The following GLIS3 variants were observed in gnomAD, a reference collection of about 807,000 sequenced individuals.
The protein encoded by GLIS3 is GLIS family zinc finger 3, also known as zinc finger protein GLIS3.
A neutral mutation model predicts 78.6 loss-of-function variants in GLIS3; 53 were observed. That is an observed-to-expected ratio of 0.67 (90% confidence interval 0.54 to 0.85). The LOEUF (loss-of-function observed/expected upper bound fraction) is 0.85, where lower values mean the gene tolerates loss of function less well. Among genes scored for constraint, GLIS3 ranks in the 40% least tolerant of loss-of-function variants. The probability of loss-of-function intolerance (pLI) is 0.00; values close to 1 mark genes in which losing one functional copy is unlikely to be tolerated. For missense variants in GLIS3, 1,703 were observed against 1,231.1 expected, an observed-to-expected ratio of 1.38 and a Z score of -5.74; for synonymous variants, 684 against 509.9, an observed-to-expected ratio of 1.34 and a Z score of -4.60.
At chr9:3,966,618 A>T (rs1413877098) in intron 4 of GLIS3, among the ~76,000 whole-genome samples, 1 of 152,030 alleles carries the variant, frequency 6.6e-6, no homozygotes, top group Non-Finnish European at 1.5e-5. Flanking sequence ...AACATGGTGA[A>T]ACCCTGTCTC....
upstream of GLIS3, among the ~76,000 whole-genome samples, chr9:4,350,011 ACCAAGAGCAGTGGGG>A (rs1052285206): frequency 2.6e-5 from 4 of 152,264 alleles, no homozygotes; most frequent in Non-Finnish European, 5.9e-5. Context: ...ACTTAGACGG[ACCAAGAGCAGTGGGG>A]CAAAACTGAC....
At chr9:4,075,101 CAA>C (rs1827933766) in intron 4 of GLIS3, among the ~76,000 whole-genome samples, 1 of 117,938 alleles carries the variant, frequency 8.5e-6, no homozygotes, top group Non-Finnish European at 1.6e-5. Context: ...AACAACAACA[CAA>C]CAACAACAAC....
chr9:4,403,519 G>C, the GLIS3 span, among the ~76,000 whole-genome samples: 1 of 152,126 alleles, frequency 6.6e-6, no homozygotes, highest in Non-Finnish European at 1.5e-5. Flanking sequence ...TCAAGACATA[G>C]ACAGCACAAT....
chr9:4,428,730 G>A, the GLIS3 span, among the ~76,000 whole-genome samples: 1 of 152,076 alleles, frequency 6.6e-6, no homozygotes, highest in Non-Finnish European at 1.5e-5. Context: ...TAGGAATCCC[G>A]CAAAAGCCAA....
chr9:4,094,193 G>A (rs1252577048), intron 4 of GLIS3, among the ~76,000 whole-genome samples: 1 of 152,210 alleles, frequency 6.6e-6, no homozygotes, highest in African/African-American at 2.4e-5. Flanking sequence ...GAGAGGAACT[G>A]AGGAAAACAA....
At chr9:4,367,763 A>G in the GLIS3 span, among the ~76,000 whole-genome samples, 5 of 152,130 alleles carry the variant, frequency 3.3e-5, no homozygotes, top group Non-Finnish European at 5.9e-5. Flanking sequence ...TTGAAGAAGT[A>G]GCAAATTCTA....
At chr9:4,023,174 T>C (rs1289985112) in intron 4 of GLIS3, among the ~76,000 whole-genome samples, 1 of 152,250 alleles carries the variant, frequency 6.6e-6, no homozygotes, top group African/African-American at 2.4e-5. Flanking sequence ...TAAAAATTTT[T>C]TTAAGTGGCC....
the GLIS3 span, among the ~76,000 whole-genome samples, chr9:4,373,398 G>A: frequency 6.6e-6 from 1 of 152,292 alleles, no homozygotes; most frequent in East Asian, 1.9e-4. Context: ...GGAGTAGTAG[G>A]GGATGCGGAT....
chr9:4,247,761 AAATT>A (rs1289075001), intron 2 of GLIS3, among the ~76,000 whole-genome samples: 2 of 144,316 alleles, frequency 1.4e-5, no homozygotes, highest in Admixed American at 1.3e-4. Context: ...CCGAAAAACT[AAATT>A]AAGAGAAGTT....
chr9:4,186,230 T>C (rs1418942214), intron 2 of GLIS3, among the ~76,000 whole-genome samples: 1 of 146,752 alleles, frequency 6.8e-6, no homozygotes, highest in Admixed American at 6.8e-5. Flanking sequence ...TTCTCACCTA[T>C]GAGTGAGAAC....
At chr9:3,889,313 T>C (rs1362108799) in intron 7 of GLIS3, among the ~76,000 whole-genome samples, 2 of 152,168 alleles carry the variant, frequency 1.3e-5, no homozygotes, top group Non-Finnish European at 2.9e-5. Context: ...AATAGTTCCA[T>C]TTGAGGGCCA....
At chr9:4,264,551 T>C (rs1403596223) in intron 2 of GLIS3, among the ~76,000 whole-genome samples, 1 of 152,198 alleles carries the variant, frequency 6.6e-6, no homozygotes, top group Non-Finnish European at 1.5e-5. Flanking sequence ...CAAAATGACC[T>C]GGCTGTACCT....
At chr9:4,416,820 T>TC in the GLIS3 span, among the ~76,000 whole-genome samples, 1 of 143,280 alleles carries the variant, frequency 7.0e-6, no homozygotes, top group Non-Finnish European at 1.5e-5. Context: ...CAGTTTTTTT[T>TC]TTTTTTTTTT....
the GLIS3 span, among the ~76,000 whole-genome samples, chr9:4,464,884 T>A: frequency 6.6e-6 from 1 of 152,148 alleles, no homozygotes; most frequent in South Asian, 2.1e-4. Context: ...GAAAGACACA[T>A]GTGAATATGA....
rs149023968 is a variant in GLIS3 at position 4,105,398 on chromosome 9, T to C, written c.1710+12370A>G. On this transcript the variant is annotated intron_variant, in intron 4 of 10. Coordinates refer to ENST00000381971, the MANE Select transcript of GLIS3 (RefSeq NM_001042413.2). ...CCTGTCAAGACACTTGGCAGCATCA[T>C]TCCTTTGGAACACAATGGACTTTAT... 2.2e-3 allele frequency among the ~76,000 whole-genome samples: 329 copies of C among 152,326 alleles called. 2 individuals carry two copies. Among genetic ancestry groups the C allele is most frequent in the Non-Finnish European group, 3.5e-3 (239 of 68,008 alleles).
At chr9:4,417,552 T>C in the GLIS3 span, among the ~76,000 whole-genome samples, 4 of 152,236 alleles carry the variant, frequency 2.6e-5, no homozygotes, top group African/African-American at 9.6e-5. Context: ...TCTTGCTGTT[T>C]TGTAATGTCA....
chr9:4,382,420 G>GT, the GLIS3 span, among the ~76,000 whole-genome samples: 9 of 152,300 alleles, frequency 5.9e-5, no homozygotes, highest in African/African-American at 9.6e-5. Context: ...TACTGTGATT[G>GT]TTTTTTAACT....
chr9:4,039,166 C>T (rs1300121076), intron 4 of GLIS3, among the ~76,000 whole-genome samples: 2 of 152,182 alleles, frequency 1.3e-5, no homozygotes, highest in South Asian at 2.1e-4. Flanking sequence ...ACACTCTACC[C>T]ATTTCATATG....
chr9:4,007,443 G>C (rs1821641452), intron 4 of GLIS3, among the ~76,000 whole-genome samples: 1 of 152,014 alleles, frequency 6.6e-6, no homozygotes, highest in Non-Finnish European at 1.5e-5. Context: ...CCCTCTTTCT[G>C]AATGTCTTCC....
Sources: gnomAD v4.1 joint callset for allele counts (sites outside exome capture counted in the v4.1 genomes callset) on GRCh38, gnomAD v4.1.1 for gene constraint, MANE v1.5 for transcripts, NCBI Gene and HGNC (gene_info 2026-07-23, HGNC 2026-07-21) for gene names.